The following ELMOD1 variants were observed in gnomAD, a reference collection of about 807,000 sequenced individuals.
ELMOD1 encodes the protein ELMO domain-containing protein 1.
Under a neutral mutation model 46.7 loss-of-function variants are expected in ELMOD1, and 21 were observed. That is an observed-to-expected ratio of 0.45 (90% CI 0.32 to 0.65). The LOEUF (loss-of-function observed/expected upper bound fraction) is 0.65, where lower values mean the gene tolerates loss of function less well. Ranked by LOEUF, ELMOD1 falls within the 30% of genes least tolerant of loss-of-function variation. The probability of loss-of-function intolerance (pLI) is 0.04; values close to 1 mark genes in which losing one functional copy is unlikely to be tolerated. For synonymous variants in ELMOD1, 122 were observed against 138.2 expected (o/e 0.88, Z 0.82); for missense variants, 348 against 407.8 (o/e 0.85, Z 1.26).
intron 11 of ELMOD1, among the ~76,000 whole-genome samples, chr11:107,659,665 G>C (rs1438715226): frequency 1.2e-5 from 1 of 84,776 alleles, no homozygotes; most frequent in African/African-American, 3.2e-5. Flanking sequence ...GTGGGTGGGT[G>C]GATGGATGGA....
At chr11:107,623,725 G>T (rs1865993702) in intron 2 of ELMOD1, 1 of 151,988 alleles carries the variant, frequency 6.6e-6, no homozygotes, top group South Asian at 2.1e-4. Flanking sequence ...TGTTTTTACT[G>T]TCCTTTTCCT....
intron 6 of ELMOD1, among the ~76,000 whole-genome samples, chr11:107,637,565 T>C (rs1455822020): frequency 6.6e-6 from 1 of 152,108 alleles, no homozygotes; most frequent in African/African-American, 2.4e-5. Flanking sequence ...TAGTAGCAGA[T>C]GCCTGTAATC....
At chr11:107,643,967 C>A (rs1361670904) in intron 6 of ELMOD1, 2 of 163,022 alleles carry the variant, frequency 1.2e-5, no homozygotes, top group African/African-American at 4.8e-5. Context: ...AATGAAATTT[C>A]TTTTTAAAGC....
intron 5 of ELMOD1, among the ~76,000 whole-genome samples, chr11:107,632,834 T>G (rs1866163645): frequency 6.6e-6 from 1 of 152,194 alleles, no homozygotes; most frequent in South Asian, 2.1e-4. Context: ...ATAAGGTGCA[T>G]TCAAGAGCAT....
intron 10 of ELMOD1, 37 bp from the exon 11 acceptor site, chr11:107,655,896 G>A (rs1265971231): frequency 4.4e-6 from 7 of 1,587,742 alleles, no homozygotes; most frequent in East Asian, 4.5e-5. Context: ...TTTCTTCTAT[G>A]TGACACACAG....
At chr11:107,604,019 C>T (rs543631475) in intron 1 of ELMOD1, among the ~76,000 whole-genome samples, 4 of 152,236 alleles carry the variant, frequency 2.6e-5, no homozygotes, top group Non-Finnish European at 4.4e-5. Context: ...GCTTTGCATG[C>T]GTTAGAAGCT....
At chr11:107,591,663 T>C (rs1591350350) in intron 1 of ELMOD1, 1 of 363,204 alleles carries the variant, frequency 2.8e-6, no homozygotes, top group African/African-American at 2.2e-5. Context: ...AGGCTGCAGG[T>C]CGGCGCGAGA....
At chr11:107,647,303 CT>C (rs947563302) in intron 6 of ELMOD1, among the ~76,000 whole-genome samples, 164 bp from the exon 7 acceptor site, 32 of 149,498 alleles carry the variant, frequency 2.1e-4, no homozygotes, top group Admixed American at 2.0e-4. Context: ...ATGATCACAT[CT>C]TTTTTTTTTC....
At chr11:107,602,252 T>A (rs1403084645) in intron 1 of ELMOD1, among the ~76,000 whole-genome samples, 3 of 152,154 alleles carry the variant, frequency 2.0e-5, no homozygotes, top group Non-Finnish European at 4.4e-5. Flanking sequence ...TTGTTTTTGT[T>A]CCCCCTCTGG....
intron 11 of ELMOD1, among the ~76,000 whole-genome samples, chr11:107,657,658 C>G (rs1271287439): frequency 6.6e-6 from 1 of 152,182 alleles, no homozygotes; most frequent in Non-Finnish European, 1.5e-5. Flanking sequence ...AGAATAAAGA[C>G]AGTTTCTTAA....
chr11:107,593,526 A>G (rs372803895), intron 1 of ELMOD1, among the ~76,000 whole-genome samples: 2 of 152,254 alleles, frequency 1.3e-5, no homozygotes, highest in Non-Finnish European at 2.9e-5. Context: ...ATTAACAGAC[A>G]TGAAATCTGG....
At chr11:107,662,729 A>C (rs112564562) in intron 11 of ELMOD1, among the ~76,000 whole-genome samples, 7,580 of 151,908 alleles carry the variant, frequency 0.05, 319 homozygotes, top group African/African-American at 0.11. Context: ...TTTCAAGACC[A>C]ACCTGGCCAA....
rs577187549 is a variant in ELMOD1, at chr11:107,593,465, C to T, written c.-86+2056C>T. On this transcript the variant is annotated intron_variant, in intron 1 of 11. Coordinates refer to ENST00000265840, the MANE Select transcript of ELMOD1 (RefSeq NM_018712.4). The stretch of plus-strand genomic sequence containing the variant: ...TGAAAATGTCATGTAATAAATTAAG[C>T]AGCATTTCTTAAAGCACGTTACTGA... 2.0e-5 allele frequency among the ~76,000 whole-genome samples: 3 copies of T among 152,264 alleles called. No individual in the cohort carries two copies. In the East Asian group the frequency reaches 5.8e-4, roughly 29 times the overall value.
intron 1 of ELMOD1, among the ~76,000 whole-genome samples, chr11:107,609,641 C>A (rs762106503): frequency 6.6e-6 from 1 of 152,060 alleles, no homozygotes; most frequent in Non-Finnish European, 1.5e-5. Flanking sequence ...TGATGCCGGG[C>A]GAGAGGATGA....
rs968278833 is a variant in ELMOD1 at position 107,666,675 on chromosome 11, G to A, written c.*1478G>A. 1.3e-5 allele frequency: 2 copies of A among 152,584 alleles called. No homozygotes were observed. The highest frequency in any genetic ancestry group is 2.4e-5 in the African/African-American group (1 of 41,430). The allele number at this position is 152,584 out of a possible 1,614,324, so 9.5% of individuals were successfully genotyped here. On this transcript the variant is annotated 3_prime_UTR_variant, in exon 12 of 12. Transcript: ENST00000265840. The stretch of plus-strand genomic sequence containing the variant: ...TTATACCTTCTGACTATCAATTTTA[G>A]TATTATTAGATGTTTGTGTAACCAC...
chr11:107,646,944 ATC>A (rs1491113795), intron 6 of ELMOD1, among the ~76,000 whole-genome samples: 634 of 16,150 alleles, frequency 0.039, 2 homozygotes, highest in African/African-American at 0.12. Context: ...TATCTATCTA[ATC>A]TATCTATCTA....
At chr11:107,658,376 T>A (rs999668092) in intron 11 of ELMOD1, among the ~76,000 whole-genome samples, 2 of 152,228 alleles carry the variant, frequency 1.3e-5, no homozygotes, top group Non-Finnish European at 2.9e-5. Context: ...ATGGAAAATG[T>A]AAGTCCCTTA....
intron 1 of ELMOD1, among the ~76,000 whole-genome samples, chr11:107,612,460 A>G (rs1484895787): frequency 6.6e-6 from 1 of 152,222 alleles, no homozygotes; most frequent in Non-Finnish European, 1.5e-5. Context: ...AGCATCACGC[A>G]ACATACGCAT....
chr11:107,596,511 T>G (rs1466828769), intron 1 of ELMOD1, among the ~76,000 whole-genome samples: 1 of 152,172 alleles, frequency 6.6e-6, no homozygotes, highest in Non-Finnish European at 1.5e-5. Context: ...CACTGACATG[T>G]TAATTTCAGA....
Sources: allele counts gnomAD v4.1 joint callset (sites outside exome capture counted in the v4.1 genomes callset), GRCh38; gene constraint gnomAD v4.1.1; transcripts MANE v1.5; gene names NCBI Gene and HGNC (gene_info 2026-07-23, HGNC 2026-07-21).